RBMS2: variants seen among roughly 807,000 people sequenced by gnomAD.
The protein encoded by RBMS2 is RNA binding motif single stranded interacting protein 2, also known as RNA-binding motif, single-stranded-interacting protein 2.
A neutral mutation model predicts 58.4 loss-of-function variants in RBMS2; 38 were observed. The ratio of observed to expected loss-of-function variants is 0.65; its 90% confidence interval spans 0.50 to 0.85. The LOEUF is 0.85. RBMS2 is among the 40% of genes least tolerant of loss of function. The pLI, the probability that RBMS2 is intolerant of heterozygous loss-of-function variation, is 0.00. For synonymous variants in RBMS2, 151 were observed against 180.7 expected (o/e 0.84, Z 1.32); for missense variants, 367 against 503.7 (o/e 0.73, Z 2.60).
chr12:56,574,937 A>G (rs534470792), intron 5 of RBMS2, among the ~76,000 whole-genome samples: 13 of 151,834 alleles, frequency 8.6e-5, no homozygotes, highest in African/African-American at 3.1e-4. Flanking sequence ...TCATGAGGTC[A>G]GGAGATCGAG....
At chr12:56,582,944 C>T (rs1222042580) in intron 9 of RBMS2, among the ~76,000 whole-genome samples, 4 of 152,214 alleles carry the variant, frequency 2.6e-5, no homozygotes, top group East Asian at 1.9e-4. Flanking sequence ...TGCTGCGCCA[C>T]GCCCAGCCGT....
intron 1 of RBMS2, among the ~76,000 whole-genome samples, chr12:56,540,983 C>T (rs369276872): frequency 1.3e-5 from 2 of 151,726 alleles, no homozygotes; most frequent in African/African-American, 2.4e-5. Flanking sequence ...CACCTGTAGT[C>T]GCAGCTACTC....
chr12:56,566,268 G>A (rs1158524983), intron 2 of RBMS2, among the ~76,000 whole-genome samples: 2 of 152,190 alleles, frequency 1.3e-5, no homozygotes, highest in African/African-American at 2.4e-5. Flanking sequence ...GGAGAGATGG[G>A]AAAATTGCTT....
chr12:56,570,650 T>C (rs1565767081), intron 4 of RBMS2, among the ~76,000 whole-genome samples: 1 of 152,218 alleles, frequency 6.6e-6, no homozygotes. Flanking sequence ...CAATCTCGGC[T>C]CACTGCAAGC....
chr12:56,557,869 A>G (rs1462673386), intron 1 of RBMS2, among the ~76,000 whole-genome samples: 2 of 149,494 alleles, frequency 1.3e-5, no homozygotes, highest in Non-Finnish European at 3.0e-5. Context: ...CTCCTGAGTA[A>G]CTGGGATTAC....
At chr12:56,539,813 T>G (rs2136295220) in intron 1 of RBMS2, 1 of 319,294 alleles carries the variant, frequency 3.1e-6, no homozygotes. Context: ...CAGTTACTGT[T>G]CTAAGCCCTT....
intron 1 of RBMS2, among the ~76,000 whole-genome samples, chr12:56,558,997 G>A (rs1023055872): frequency 2.6e-5 from 4 of 152,050 alleles, no homozygotes; most frequent in African/African-American, 9.7e-5. Context: ...CCCTGAGCAG[G>A]TGGGATTACA....
At chr12:56,522,177 G>A in intron 1 of RBMS2, 88 bp downstream of exon 1, 2 of 1,074,444 alleles carry the variant, frequency 1.9e-6, no homozygotes, top group Non-Finnish European at 2.8e-6. Context: ...TTTTAAAGAG[G>A]GGAAGGGGCT....
intron 1 of RBMS2, among the ~76,000 whole-genome samples, chr12:56,522,541 T>C (rs541056354): frequency 1.2e-4 from 18 of 152,204 alleles, no homozygotes; most frequent in African/African-American, 3.1e-4. Context: ...GCTGAAATCA[T>C]AGATAGTCAG....
At chr12:56,585,385 A>G (rs980139411) in intron 9 of RBMS2, among the ~76,000 whole-genome samples, 3 of 152,160 alleles carry the variant, frequency 2.0e-5, no homozygotes, top group African/African-American at 7.2e-5. Flanking sequence ...TGTCCTTGCA[A>G]CCCATTATAT....
intron 1 of RBMS2, among the ~76,000 whole-genome samples, chr12:56,523,600 G>A (rs561011660): frequency 1.3e-5 from 2 of 152,164 alleles, no homozygotes; most frequent in African/African-American, 4.8e-5. Flanking sequence ...TCAACATGGT[G>A]AAACCCCAAA....
At chr12:56,531,165 GTCTTA>G (rs1200516058) in intron 1 of RBMS2, among the ~76,000 whole-genome samples, 5 of 151,952 alleles carry the variant, frequency 3.3e-5, no homozygotes, top group African/African-American at 1.2e-4. Flanking sequence ...TTAGGTAATT[GTCTTA>G]TCTTCATTGC....
At chr12:56,568,422 A>C (rs933903335) in intron 2 of RBMS2, among the ~76,000 whole-genome samples, 1 of 152,212 alleles carries the variant, frequency 6.6e-6, no homozygotes, top group Non-Finnish European at 1.5e-5. Context: ...TTAGCTGGGA[A>C]AGAAGAGAGA....
chr12:56,556,482 T>C (rs1879258690), intron 1 of RBMS2, among the ~76,000 whole-genome samples: 2 of 151,718 alleles, frequency 1.3e-5, no homozygotes, highest in South Asian at 4.2e-4. Flanking sequence ...TTCAAGCGAT[T>C]CTCCTGCCTC....
intron 1 of RBMS2, among the ~76,000 whole-genome samples, chr12:56,534,504 ATCCTTTCCAT>A (rs1874384420): frequency 6.6e-6 from 1 of 152,190 alleles, no homozygotes; most frequent in Non-Finnish European, 1.5e-5. Flanking sequence ...ATAGATTTAC[ATCCTTTCCAT>A]TTTTTGATAA....
intron 1 of RBMS2, among the ~76,000 whole-genome samples, chr12:56,554,589 G>A (rs1248380778): frequency 6.6e-6 from 1 of 152,140 alleles, no homozygotes; most frequent in Non-Finnish European, 1.5e-5. Context: ...CCTGTTGTAT[G>A]GACAGGCAGG....
intron 1 of RBMS2, among the ~76,000 whole-genome samples, 164 bp downstream of exon 1, chr12:56,522,253 T>C (rs556712910): frequency 5.9e-5 from 9 of 152,164 alleles, no homozygotes; most frequent in Admixed American, 3.9e-4. Context: ...TTCTGCATCT[T>C]TCCTCAACTG....
At chr12:56,536,440 G>A (rs1055377243) in intron 1 of RBMS2, among the ~76,000 whole-genome samples, 1 of 150,906 alleles carries the variant, frequency 6.6e-6, no homozygotes, top group Non-Finnish European at 1.5e-5. Context: ...TCTTGAAAGA[G>A]TAGTCCATAT....
rs997687299 is a variant in RBMS2 at position 56,587,483 on chromosome 12, G to A, written c.952-71G>A. Reference sequence around the variant, plus strand: ...ATGTCTGTCTCCAGTGGTCCTGACAGCCACCGATCACTGCTTTAGGCAGCC... The same window carrying A: ...ATGTCTGTCTCCAGTGGTCCTGACAACCACCGATCACTGCTTTAGGCAGCC... On this transcript the variant is annotated intron_variant, in intron 10 of 13. Transcript: ENST00000262031. 2.9e-5 allele frequency: 44 copies of A among 1,501,654 alleles called. 2 individuals carry two copies. The South Asian group carries it at 4.9e-4, about 17-fold the overall frequency. 93.0% of individuals were successfully genotyped at this position (1,501,654 alleles called of 1,614,324 possible).
Sources: gnomAD v4.1 joint callset for allele counts (sites outside exome capture counted in the v4.1 genomes callset) on GRCh38, gnomAD v4.1.1 for gene constraint, MANE v1.5 for transcripts, NCBI Gene and HGNC (gene_info 2026-07-23, HGNC 2026-07-21) for gene names.